WIPF1: variants seen among roughly 807,000 people sequenced by gnomAD.
WIPF1 encodes the protein WAS/WASL-interacting protein family member 1.
WIPF1 carries 13 observed loss-of-function variants against 35.4 expected under a neutral mutation model. That is an observed-to-expected ratio of 0.37 (90% confidence interval 0.24 to 0.58). The LOEUF (loss-of-function observed/expected upper bound fraction) is 0.58, where lower values mean the gene tolerates loss of function less well. Ranked by LOEUF, WIPF1 falls within the 20% of genes least tolerant of loss-of-function variation. The pLI, the probability that WIPF1 is intolerant of heterozygous loss-of-function variation, is 0.74. For synonymous variants in WIPF1, 267 were observed against 266.3 expected, an observed-to-expected ratio of 1.00 and a Z score of -0.02; for missense variants, 591 against 667.0, an observed-to-expected ratio of 0.89 and a Z score of 1.25.
At chr2:174,664,442 ACCCTCATCT>A (rs961443241) in intron 1 of WIPF1, among the ~76,000 whole-genome samples, 1 of 152,166 alleles carries the variant, frequency 6.6e-6, no homozygotes, top group Non-Finnish European at 1.5e-5. Flanking sequence ...GTCTGCAAGC[ACCCTCATCT>A]CTACAGAAAC....
Position 174,571,925 on chromosome 2 carries a change from C to T in WIPF1, c.880G>A (p.Val294Met), listed in dbSNP as rs754336200. The change falls in exon 5 of 8, where the codon GTG (valine) becomes ATG (methionine). Residue 294 changes from valine to methionine, a missense_variant. This residue lies in a region of WIPF1 where 471 missense variants were observed against 501.1 expected (regional missense o/e 0.94). Coordinates refer to ENST00000679041, the MANE Select transcript of WIPF1 (RefSeq NM_001375834.1). This position sits in a 1 kb window ranked among gnomAD's most constrained non-coding sequence, Gnocchi z 4.6. ...GCCGAAGGCCGCGGAGTGGAAGGCA[C>T]TGGAGGCTTGTTGTTCTGAGGAGGA... ...PPPPQNNKPP[V>M]PSTPRPSASS... 4 of 1,603,374 alleles carry T rather than the reference C, an allele frequency of 2.5e-6. No homozygotes were observed. The Admixed American group carries it at 5.1e-5, about 21-fold the overall frequency.
chr2:174,647,071 G>A, intron 1 of WIPF1, among the ~76,000 whole-genome samples: 1 of 152,178 alleles, frequency 6.6e-6, no homozygotes, highest in East Asian at 1.9e-4. Flanking sequence ...AGGTGGTGAA[G>A]CACATACTTT....
chr2:174,592,102 C>G (rs1685634930), intron 1 of WIPF1, among the ~76,000 whole-genome samples: 1 of 152,136 alleles, frequency 6.6e-6, no homozygotes, highest in African/African-American at 2.4e-5. Context: ...TGATTGCCTT[C>G]CTTGGGATCA....
Position 174,572,341 on chromosome 2 carries a change from G to A in WIPF1, c.464C>T (p.Pro155Leu). ...CTCTGGGGGACCACTTCTGTGGCCT[G>A]GAGAAGGCACAGGAAACCTCCCTGG... ...SGPGRFPVPS[P>L]GHRSGPPEPQ... is the part of the protein sequence containing the mutation. Residue 155 changes from proline (P) to leucine (L), a missense_variant, in exon 5 of 8, where the codon CCA becomes CTA. Pro to Leu is a moderately conservative substitution (Grantham distance 98, BLOSUM62 -3). Around this residue, in one of 3 missense-constraint regions of WIPF1, gnomAD observed 471 missense variants for 501.1 expected, o/e 0.94. Transcript: ENST00000679041. 6.2e-7 allele frequency: 1 copy of A among 1,614,148 alleles called. No individual in the cohort carries two copies. Among genetic ancestry groups the A allele is most frequent in the Non-Finnish European group, 8.5e-7 (1 of 1,180,024 alleles).
At chr2:174,582,091 T>C (rs1685260974) in intron 2 of WIPF1, among the ~76,000 whole-genome samples, 1 of 152,242 alleles carries the variant, frequency 6.6e-6, no homozygotes, top group Non-Finnish European at 1.5e-5. Context: ...AATCAAGATA[T>C]AGAATATTTT....
chr2:174,638,803 A>T (rs530008433), intron 1 of WIPF1, among the ~76,000 whole-genome samples: 1 of 152,288 alleles, frequency 6.6e-6, no homozygotes, highest in South Asian at 2.1e-4. Flanking sequence ...ATTTACGCAG[A>T]TTCCCACATC....
chr2:174,592,011 G>A (rs1336638444), intron 1 of WIPF1, among the ~76,000 whole-genome samples: 1 of 152,216 alleles, frequency 6.6e-6, no homozygotes, highest in African/African-American at 2.4e-5. Context: ...TCACAGTTCA[G>A]TCCAGACGTG....
intron 1 of WIPF1, among the ~76,000 whole-genome samples, chr2:174,614,152 G>A (rs1686436302): frequency 6.6e-6 from 1 of 152,116 alleles, no homozygotes. Context: ...TAAGAAACGG[G>A]GATTAATAAG....
At position 174,572,124 on chromosome 2, in the gene WIPF1, G is replaced by C; in HGVS notation, c.681C>G (p.Gly227=). 6.2e-7 allele frequency: 1 copy of C among 1,609,194 alleles called. No homozygotes were observed. Among genetic ancestry groups the C allele is most frequent in the Non-Finnish European group, 8.5e-7 (1 of 1,177,592 alleles). Reference sequence around the variant, plus strand: ...GTATTGAGCCTCCTCCCAAAGCAGTGCCGCGGTTTCCAGGGAAAGGGGGAG... The same window carrying C: ...GTATTGAGCCTCCTCCCAAAGCAGTCCCGCGGTTTCCAGGGAAAGGGGGAG... The part of the protein sequence containing the change: ...PTPPPFPGNR[G]TALGGGSIRQ... The change falls in exon 5 of 8, where the codon GGC becomes GGG. Residue 227 remains glycine, a synonymous_variant. Coordinates refer to ENST00000679041, the MANE Select transcript of WIPF1 (RefSeq NM_001375834.1).
chr2:174,682,038 T>C (rs1189264882), intron 1 of WIPF1, among the ~76,000 whole-genome samples: 2 of 152,280 alleles, frequency 1.3e-5, no homozygotes, highest in South Asian at 2.1e-4. Flanking sequence ...GTTCTTTCTT[T>C]AAAAAGAAAA....
intron 1 of WIPF1, among the ~76,000 whole-genome samples, chr2:174,663,799 C>T (rs1374549784): frequency 1.3e-5 from 2 of 152,182 alleles, no homozygotes; most frequent in Non-Finnish European, 1.5e-5. Context: ...AAATTGCTTC[C>T]ATATGCGGGC....
At position 174,680,816 on chromosome 2, in the gene WIPF1, G is replaced by A. The variant is rs149550842; in HGVS notation, c.-39+1958C>T. ...CTACACACTGCATGGTATCTGGATG[G>A]CCCCTGTATCATACTCCTTTTGCTG... is the stretch of plus-strand genomic sequence containing the variant. On this transcript the variant is annotated intron_variant, in intron 1 of 8. Transcript: ENST00000272746. 5.1e-4 allele frequency among the ~76,000 whole-genome samples: 77 copies of A among 152,168 alleles called. 1 individual carries two copies. The highest frequency in any genetic ancestry group is 1.8e-3 in the African/African-American group (74 of 41,512).
intron 2 of WIPF1, among the ~76,000 whole-genome samples, chr2:174,584,841 T>G (rs1275576258): frequency 1.4e-5 from 2 of 145,210 alleles, no homozygotes; most frequent in East Asian, 4.0e-4. Context: ...GAACGGGAGG[T>G]GGAAGTTGCG....
intron 1 of WIPF1, among the ~76,000 whole-genome samples, chr2:174,591,362 A>G (rs1663630017): frequency 6.6e-6 from 1 of 152,352 alleles, no homozygotes; most frequent in East Asian, 1.9e-4. Flanking sequence ...TGTGGAAACA[A>G]TAAGATAATG....
In WIPF1 at chr2:174,568,080, CA is replaced by C; in HGVS notation, c.1130-8del. On this transcript the variant is annotated splice_region_variant and splice_polypyrimidine_tract_variant and intron_variant, in intron 5 of 7. Transcript: ENST00000679041. The stretch of plus-strand genomic sequence containing the variant: ...GGAGGTGGTGGGAGGGGGCCTGGAG[CA>C]AAAAAAGACACTTAGTGCAGAACCT... 1.9e-6 allele frequency: 3 copies of C among 1,599,184 alleles called. No individual in the cohort carries two copies. The highest frequency in any genetic ancestry group is 1.4e-5 in the African/African-American group (1 of 73,860).
At chr2:174,626,565 C>T (rs1450672587) in intron 1 of WIPF1, among the ~76,000 whole-genome samples, 3 of 152,214 alleles carry the variant, frequency 2.0e-5, no homozygotes, top group Non-Finnish European at 4.4e-5. Flanking sequence ...CCCCTCCACC[C>T]CAAATTGCTG....
chr2:174,572,125 C>A lies in WIPF1; in HGVS notation c.680G>T (p.Gly227Val), dbSNP rs2105806985. 1 of 1,608,720 alleles carries A rather than the reference C, an allele frequency of 6.2e-7. No individual in the cohort carries two copies. ...PTPPPFPGNR[G>V]TALGGGSIRQ... Reference sequence around the variant, plus strand: ...TATTGAGCCTCCTCCCAAAGCAGTGCCGCGGTTTCCAGGGAAAGGGGGAGG... The same window carrying A: ...TATTGAGCCTCCTCCCAAAGCAGTGACGCGGTTTCCAGGGAAAGGGGGAGG... The change falls in exon 5 of 8, where the codon GGC (glycine) becomes GTC (valine). Residue 227 changes from glycine (G) to valine (V), a missense_variant. Around this residue, in one of 3 missense-constraint regions of WIPF1, gnomAD observed 471 missense variants for 501.1 expected, o/e 0.94. Transcript: ENST00000679041.
Position 174,642,647 on chromosome 2 carries a change from T to TGTA in WIPF1, c.-39+40126_-39+40127insTAC. On this transcript the variant is annotated intron_variant, in intron 1 of 8. Transcript: ENST00000272746. ...CAGGCATGAGCCGCCGCGCCCGGCC[T>TGTA]TTTTTGTTGTTGTTGTTGTTGAGAC... is the stretch of plus-strand genomic sequence containing the variant. 1.9e-4 allele frequency among the ~76,000 whole-genome samples: 29 copies of TGTA among 149,186 alleles called. 3 individuals carry two copies. Among genetic ancestry groups the TGTA allele is most frequent in the African/African-American group, 6.9e-4 (27 of 38,976 alleles).
Position 174,560,579 on chromosome 2 carries a change from T to A in WIPF1, c.*1968A>T, listed in dbSNP as rs1684459570. On this transcript the variant is annotated 3_prime_UTR_variant, in exon 8 of 8. Transcript: ENST00000679041. ...CCAAACTGCTAGAGATTAAAAAAATTTTTTTTTAAAAAGCCAACACTTTGC... is the reference window on the plus strand; with the variant it reads ...CCAAACTGCTAGAGATTAAAAAAATATTTTTTTAAAAAGCCAACACTTTGC... The A allele has an allele frequency of 6.6e-6, 1 of 152,510 alleles. No individual in the cohort carries two copies. The highest frequency in any genetic ancestry group is 2.4e-5 in the African/African-American group (1 of 41,398). The allele number at this position is 152,510 out of a possible 1,614,324, so 9.4% of individuals were successfully genotyped here. A position where few individuals can be genotyped will look rare whatever the true frequency, so the allele number is the denominator to read the frequency against.
Sources: allele counts gnomAD v4.1 joint callset (sites outside exome capture counted in the v4.1 genomes callset), GRCh38; gene constraint gnomAD v4.1.1; regional missense constraint gnomAD v4.1.1; non-coding constraint Gnocchi (gnomAD v3.1); transcripts MANE v1.5; gene names NCBI Gene and HGNC (gene_info 2026-07-23, HGNC 2026-07-21).